Variants in GPBP1 observed in about 807,000 individuals in gnomAD.
The protein encoded by GPBP1 is GC-rich promoter binding protein 1, also known as vasculin.
GPBP1 carries 13 observed loss-of-function variants against 56.5 expected under a neutral mutation model. The observed-to-expected ratio is 0.23, with a 90% CI of 0.15 to 0.37. The LOEUF is 0.37. Ranked by LOEUF, GPBP1 falls within the 10% of genes least tolerant of loss-of-function variation. GPBP1 has a pLI of 1.00. For missense variants in GPBP1, 477 were observed against 572.3 expected, an observed-to-expected ratio of 0.83 and a Z score of 1.70; for synonymous variants, 204 against 188.9, an observed-to-expected ratio of 1.08 and a Z score of -0.66.
intron 10 of GPBP1, among the ~76,000 whole-genome samples, chr5:57,256,379 T>G (rs1741663564): frequency 6.6e-6 from 1 of 150,468 alleles, no homozygotes; most frequent in Non-Finnish European, 1.5e-5. Context: ...TGAATGATTA[T>G]TTTAGTATAT....
At chr5:57,228,877 C>G (rs1756314636) in intron 3 of GPBP1, among the ~76,000 whole-genome samples, 1 of 151,550 alleles carries the variant, frequency 6.6e-6, no homozygotes, top group African/African-American at 2.4e-5. Flanking sequence ...GCATTTCCCT[C>G]CCTACTGAGA....
At chr5:57,238,186 A>T (rs1580058928) in intron 6 of GPBP1, among the ~76,000 whole-genome samples, 1 of 152,204 alleles carries the variant, frequency 6.6e-6, no homozygotes, top group Admixed American at 6.5e-5. Context: ...AAAATAATGT[A>T]ATTGTTTGAT....
intron 10 of GPBP1, among the ~76,000 whole-genome samples, chr5:57,258,625 AAC>A (rs1741765072): frequency 6.6e-6 from 1 of 152,166 alleles, no homozygotes; most frequent in Non-Finnish European, 1.5e-5. Flanking sequence ...GGGAAAGGGA[AAC>A]ACAGATTGTT....
At chr5:57,215,598 C>CT (rs1755668374) in intron 3 of GPBP1, among the ~76,000 whole-genome samples, 1 of 152,202 alleles carries the variant, frequency 6.6e-6, no homozygotes, top group East Asian at 1.9e-4. Context: ...TTACGTATCT[C>CT]TTTCTCAGGT....
intron 2 of GPBP1, among the ~76,000 whole-genome samples, chr5:57,182,049 T>C (rs1754074166): frequency 6.6e-6 from 1 of 152,190 alleles, no homozygotes; most frequent in Admixed American, 6.6e-5. Context: ...GCTTGGTGGG[T>C]GCAGTGCTTT....
intron 10 of GPBP1, among the ~76,000 whole-genome samples, chr5:57,259,984 C>CAGA (rs1210076766): frequency 2.0e-5 from 3 of 152,160 alleles, no homozygotes; most frequent in Admixed American, 1.3e-4. Context: ...TGTGATTTGT[C>CAGA]TTCTGGATCA....
chr5:57,193,622 A>C (rs1365889998), intron 2 of GPBP1, among the ~76,000 whole-genome samples: 1 of 151,312 alleles, frequency 6.6e-6, no homozygotes, highest in Non-Finnish European at 1.5e-5. Context: ...TCAAAAAAAA[A>C]AAAAAAAAAA....
intron 2 of GPBP1, among the ~76,000 whole-genome samples, chr5:57,202,512 C>T (rs1275861418): frequency 6.6e-6 from 1 of 152,164 alleles, no homozygotes; most frequent in Non-Finnish European, 1.5e-5. Context: ...TGGTCTCGAA[C>T]TCCTGACCTG....
intron 2 of GPBP1, among the ~76,000 whole-genome samples, chr5:57,200,599 C>G (rs1264744902): frequency 1.3e-5 from 2 of 151,576 alleles, no homozygotes; most frequent in Admixed American, 6.6e-5. Flanking sequence ...GACCTCCTGA[C>G]CTTGTGATTC....
intron 3 of GPBP1, among the ~76,000 whole-genome samples, chr5:57,218,866 A>G (rs1002160607): frequency 3.3e-5 from 5 of 152,254 alleles, no homozygotes; most frequent in African/African-American, 1.2e-4. Flanking sequence ...CTTAAGTTAT[A>G]AAATTCTCCT....
intron 2 of GPBP1, among the ~76,000 whole-genome samples, chr5:57,204,243 T>A (rs962618761): frequency 6.6e-6 from 1 of 151,722 alleles, no homozygotes; most frequent in Non-Finnish European, 1.5e-5. Context: ...TTACAGCTTG[T>A]TTTTTTTGTT....
chr5:57,206,242 TTTTG>T (rs1755230181), intron 2 of GPBP1, among the ~76,000 whole-genome samples: 1 of 152,134 alleles, frequency 6.6e-6, no homozygotes. Flanking sequence ...GAAGTTCAGT[TTTTG>T]TTTTCTTTTT....
chr5:57,200,672 A>T (rs937724594), intron 2 of GPBP1, among the ~76,000 whole-genome samples: 3 of 149,154 alleles, frequency 2.0e-5, no homozygotes, highest in Non-Finnish European at 3.0e-5. Context: ...TGGCCTGAAA[A>T]TTTTAAATAA....
At chr5:57,182,670 T>C (rs1218717569) in intron 2 of GPBP1, among the ~76,000 whole-genome samples, 4 of 151,494 alleles carry the variant, frequency 2.6e-5, no homozygotes, top group African/African-American at 9.7e-5. Flanking sequence ...CGCACTCGGC[T>C]TCTTCTCTTT....
intron 2 of GPBP1, among the ~76,000 whole-genome samples, chr5:57,182,821 C>T (rs1201840154): frequency 1.3e-5 from 2 of 152,096 alleles, no homozygotes; most frequent in East Asian, 3.9e-4. Flanking sequence ...GTAGCTGGGA[C>T]TATAGGCGCA....
chr5:57,251,199 A>G (rs1473577233), intron 10 of GPBP1, 58 bp downstream of exon 10: 1 of 1,411,734 alleles, frequency 7.1e-7, no homozygotes, highest in Non-Finnish European at 9.6e-7. Flanking sequence ...TTTCAATATT[A>G]TAGAGTTTTT....
intron 2 of GPBP1, among the ~76,000 whole-genome samples, chr5:57,210,659 G>A (rs1374798711): frequency 3.9e-5 from 6 of 152,142 alleles, no homozygotes; most frequent in Non-Finnish European, 8.8e-5. Flanking sequence ...TAGTTTACTA[G>A]GGCTGCCATA....
chr5:57,233,718 G>A (rs1048614584), intron 5 of GPBP1, among the ~76,000 whole-genome samples: 16 of 152,166 alleles, frequency 1.1e-4, no homozygotes, highest in Non-Finnish European at 2.1e-4. Flanking sequence ...AAGAGAAGGG[G>A]TTGGTCTTGC....
intron 2 of GPBP1, among the ~76,000 whole-genome samples, chr5:57,199,988 G>A (rs1337915923): frequency 1.4e-5 from 2 of 147,014 alleles, no homozygotes; most frequent in Admixed American, 6.8e-5. Flanking sequence ...GATTACAGGC[G>A]TGAGCCACTG....
Sources: allele counts gnomAD v4.1 joint callset (sites outside exome capture counted in the v4.1 genomes callset), GRCh38; gene constraint gnomAD v4.1.1; transcripts MANE v1.5; gene names NCBI Gene and HGNC (gene_info 2026-07-23, HGNC 2026-07-21).